Variants in APIP observed in about 807,000 individuals in gnomAD.
APIP encodes methylthioribulose-1-phosphate dehydratase.
APIP carries 32 observed loss-of-function variants against 32.0 expected under a neutral mutation model. The ratio of observed to expected loss-of-function variants is 1.00; its 90% CI spans 0.76 to 1.34. The LOEUF is 1.34. APIP is among the 40% of genes most tolerant of loss of function. APIP has a pLI of 0.00. For synonymous variants in APIP, 92 were observed against 94.8 expected (o/e 0.97, Z 0.17); for missense variants, 247 against 298.6 (o/e 0.83, Z 1.27).
chr11:34,903,229 G>A (rs78513914), intron 1 of APIP, among the ~76,000 whole-genome samples: 3,092 of 152,322 alleles, frequency 0.02, 36 homozygotes, highest in Non-Finnish European at 0.03. Flanking sequence ...TATGCAGCAA[G>A]GGAAGATACT....
At chr11:34,916,092 G>T (rs1448932009) in intron 1 of APIP, 136 bp downstream of exon 1, 18 of 1,163,104 alleles carry the variant, frequency 1.5e-5, no homozygotes, top group Non-Finnish European at 2.1e-5. Context: ...GTGCGCCGGG[G>T]TAGCGAACGG....
chr11:34,883,907 A>G (rs1278531812), intron 5 of APIP, among the ~76,000 whole-genome samples: 7 of 152,230 alleles, frequency 4.6e-5, no homozygotes, highest in Non-Finnish European at 8.8e-5. Flanking sequence ...GAATTTCCCA[A>G]TTAATACAAA....
intron 1 of APIP, among the ~76,000 whole-genome samples, chr11:34,911,712 T>C (rs972800034): frequency 6.6e-6 from 1 of 152,178 alleles, no homozygotes; most frequent in African/African-American, 2.4e-5. Flanking sequence ...TGCTACCTCT[T>C]AAAACAGGGC....
chr11:34,900,518 T>C (rs1359877273), intron 1 of APIP, among the ~76,000 whole-genome samples: 1 of 152,150 alleles, frequency 6.6e-6, no homozygotes, highest in Non-Finnish European at 1.5e-5. Context: ...GGTAGGTATA[T>C]AGAAATTTTC....
chr11:34,889,477 CT>C (rs941965336), intron 3 of APIP, among the ~76,000 whole-genome samples: 71 of 144,354 alleles, frequency 4.9e-4, no homozygotes, highest in Middle Eastern at 3.6e-3. Flanking sequence ...ACAGGTTTTT[CT>C]TTTTTTTTTT....
intron 1 of APIP, among the ~76,000 whole-genome samples, chr11:34,902,453 A>C (rs1327614255): frequency 1.3e-5 from 2 of 152,066 alleles, no homozygotes; most frequent in Non-Finnish European, 2.9e-5. Flanking sequence ...TCCAAGGCCC[A>C]GCTCTGCAAA....
At chr11:34,896,918 A>G (rs1791089819) in intron 1 of APIP, 1 of 854,400 alleles carries the variant, frequency 1.2e-6, no homozygotes, top group Non-Finnish European at 1.7e-6. Flanking sequence ...AAAAATCCCC[A>G]CATAAACTGG....
chr11:34,909,671 G>T (rs1853514127), intron 1 of APIP, among the ~76,000 whole-genome samples: 1 of 152,200 alleles, frequency 6.6e-6, no homozygotes. Flanking sequence ...GTGAGGAAGT[G>T]CTGAGGGTGG....
Position 34,883,406 on chromosome 11 carries a change from G to A in APIP, c.560C>T (p.Ser187Phe). ...MAHAMNEYPD[S>F]CAVLVRRHGV... The stretch of plus-strand genomic sequence containing the variant: ...ATGACGTCTGACCAGTACTGCACAG[G>A]AGTCTGGGTATTCATTCATTGCATG... Residue 187 changes from serine (S) to phenylalanine (F), a missense_variant, in exon 6 of 7, where the codon TCC becomes TTC. Physicochemically the swap from Ser to Phe is radical, Grantham distance 155. Coordinates refer to ENST00000395787, the MANE Select transcript of APIP (RefSeq NM_015957.4). 1 of 1,613,990 alleles carries A rather than the reference G, an allele frequency of 6.2e-7. No homozygotes were observed. Among genetic ancestry groups the A allele is most frequent in the Non-Finnish European group, 8.5e-7 (1 of 1,179,946 alleles).
At chr11:34,886,213 A>AC (rs1404533370) in intron 5 of APIP, among the ~76,000 whole-genome samples, 1 of 152,098 alleles carries the variant, frequency 6.6e-6, no homozygotes, top group African/African-American at 2.4e-5. Context: ...AAGACCTTCC[A>AC]CTGAGACAAG....
intron 1 of APIP, among the ~76,000 whole-genome samples, chr11:34,909,220 C>T (rs917319467): frequency 6.6e-6 from 1 of 152,022 alleles, no homozygotes; most frequent in South Asian, 2.1e-4. Context: ...TGGATGATAT[C>T]GTTCCCTGGG....
intron 1 of APIP, among the ~76,000 whole-genome samples, chr11:34,909,553 G>A (rs1483924463): frequency 6.6e-6 from 1 of 152,086 alleles, no homozygotes; most frequent in Non-Finnish European, 1.5e-5. Context: ...GTGTGTGCAA[G>A]GTTTTGTGTT....
At chr11:34,897,363 T>A (rs1853291468) in intron 1 of APIP, among the ~76,000 whole-genome samples, 1 of 152,164 alleles carries the variant, frequency 6.6e-6, no homozygotes, top group African/African-American at 2.4e-5. Context: ...GAAAATGCTG[T>A]GAGGATTAAA....
chr11:34,887,696 C>A (rs535496450), intron 5 of APIP, among the ~76,000 whole-genome samples: 2 of 152,204 alleles, frequency 1.3e-5, no homozygotes, highest in South Asian at 4.1e-4. Context: ...TGTCCCTGAA[C>A]ACTGAGAACA....
rs1435151518 is a variant in APIP at position 34,897,391 on chromosome 11, T to C, written c.58-2281A>G. 5.3e-5 allele frequency among the ~76,000 whole-genome samples: 8 copies of C among 152,214 alleles called. No individual in the cohort carries two copies. In the East Asian group the frequency reaches 9.6e-4, roughly 18 times the overall value. On this transcript the variant is annotated intron_variant, in intron 1 of 6. Transcript: ENST00000395787. ...GGATTAAAATGAGATACAATGGACA[T>C]AATGCAGTCAGCATGAAATCTGACA...
chr11:34,916,316 T>G lies in APIP; in HGVS notation c.-32A>C, dbSNP rs761422179. 14 of 1,609,190 alleles carry G rather than the reference T, an allele frequency of 8.7e-6. No individual in the cohort carries two copies. The highest frequency in any genetic ancestry group is 1.1e-5 in the Non-Finnish European group (13 of 1,178,136). On this transcript the variant is annotated 5_prime_UTR_variant, in exon 1 of 7. Coordinates refer to ENST00000395787, the MANE Select transcript of APIP (RefSeq NM_015957.4). ...GACCAGGGACCCGCGCGGCCTCCAATCTCCGCACGGCTTTGCGCGCGGCGC... is the reference window on the plus strand; with the variant it reads ...GACCAGGGACCCGCGCGGCCTCCAAGCTCCGCACGGCTTTGCGCGCGGCGC...
chr11:34,886,008 A>G (rs1853064370), intron 5 of APIP, among the ~76,000 whole-genome samples: 1 of 152,216 alleles, frequency 6.6e-6, no homozygotes, highest in African/African-American at 2.4e-5. Context: ...GATGATAATG[A>G]CTATGTTAGT....
At chr11:34,916,070 G>A (rs1394626222) in intron 1 of APIP, 158 bp downstream of exon 1, 2 of 970,206 alleles carry the variant, frequency 2.1e-6, no homozygotes, top group Non-Finnish European at 3.0e-6. Flanking sequence ...GCTTCCGAAC[G>A]CCAAGGTCGC....
intron 1 of APIP, among the ~76,000 whole-genome samples, chr11:34,911,627 T>C (rs1853552410): frequency 6.6e-6 from 1 of 152,176 alleles, no homozygotes; most frequent in African/African-American, 2.4e-5. Context: ...GAGTTTCCAG[T>C]TTCCCTTAAA....
Sources: allele counts gnomAD v4.1 joint callset (sites outside exome capture counted in the v4.1 genomes callset), GRCh38; gene constraint gnomAD v4.1.1; transcripts MANE v1.5; gene names NCBI Gene and HGNC (gene_info 2026-07-23, HGNC 2026-07-21).